Variants in KIF27 observed in about 807,000 individuals in gnomAD.
KIF27 encodes kinesin family member 27, also known as kinesin-like protein KIF27.
In KIF27, 84 loss-of-function variants were observed where a neutral mutation model predicts 141.8. The ratio of observed to expected loss-of-function variants is 0.59; its 90% confidence interval spans 0.50 to 0.71. The LOEUF (loss-of-function observed/expected upper bound fraction) is 0.71, where lower values mean the gene tolerates loss of function less well. Ranked by LOEUF, KIF27 falls within the 30% of genes least tolerant of loss-of-function variation. KIF27 has a pLI of 0.00. For missense variants in KIF27, 1,306 were observed against 1,628.4 expected, an observed-to-expected ratio of 0.80 and a Z score of 3.41; for synonymous variants, 471 against 569.5, an observed-to-expected ratio of 0.83 and a Z score of 2.46.
chr9:83,897,719 C>T (rs1010558275), intron 5 of KIF27, among the ~76,000 whole-genome samples: 5 of 151,742 alleles, frequency 3.3e-5, no homozygotes, highest in African/African-American at 7.3e-5. Context: ...AGCGCTCACA[C>T]CCAGAATATA....
rs1315186909 is a variant in KIF27 at position 83,887,091 on chromosome 9, G to T, written c.2189C>A (p.Thr730Lys). ...ATCTTCCTTCATCTTGATGTTAATT[G>T]TAAGTTCTCTCATTTTTTGTTTAGC... ...TEAKQKMREL[T>K]INIKMKEDLI... The change falls in exon 9 of 18, where the codon ACA becomes AAA. Residue 730 changes from threonine (T) to lysine (K), a missense_variant. By Grantham distance (78) the Thr-to-Lys change is moderately conservative. Transcript: ENST00000297814. 11 of 1,600,072 alleles carry T rather than the reference G, an allele frequency of 6.9e-6. No homozygotes were observed. Among genetic ancestry groups the T allele is most frequent in the African/African-American group, 1.4e-5 (1 of 73,778 alleles).
chr9:83,865,121 T>A (rs536470783), intron 13 of KIF27, among the ~76,000 whole-genome samples: 1 of 152,284 alleles, frequency 6.6e-6, no homozygotes, highest in Non-Finnish European at 1.5e-5. Flanking sequence ...AGAAAATTTT[T>A]TATATGATGT....
At chr9:83,902,180 C>A (rs1428734563) in intron 4 of KIF27, among the ~76,000 whole-genome samples, 1 of 151,918 alleles carries the variant, frequency 6.6e-6, no homozygotes, top group Non-Finnish European at 1.5e-5. Flanking sequence ...ATATGTCTAG[C>A]TAGATAGAGA....
At chr9:83,914,224 A>C (rs934749964) in intron 2 of KIF27, among the ~76,000 whole-genome samples, 4 of 151,238 alleles carry the variant, frequency 2.6e-5, no homozygotes, top group African/African-American at 4.8e-5. Flanking sequence ...AAAAAAAAAA[A>C]CCCTACAATC....
At chr9:83,847,418 G>C (rs1293270355) in intron 16 of KIF27, 1 of 152,102 alleles carries the variant, frequency 6.6e-6, no homozygotes, top group Non-Finnish European at 1.5e-5. Flanking sequence ...ATAGCATTTG[G>C]GTTGGGGATT....
chr9:83,843,054 G>T (rs1267180734), intron 16 of KIF27, among the ~76,000 whole-genome samples: 1 of 151,420 alleles, frequency 6.6e-6, no homozygotes, highest in Non-Finnish European at 1.5e-5. Context: ...TCTGTTCATT[G>T]GCTGCTTTAG....
At position 83,851,457 on chromosome 9, in the gene KIF27, T is replaced by C. The variant is rs11140271; in HGVS notation, c.3358-1160A>G. On this transcript the variant is annotated intron_variant, in intron 15 of 17. Transcript: ENST00000297814. ...GCTTCCAACTCCTGAGATCAAGTGA[T>C]CCTCCCACCTCAGCCTCCCACATAG... Among the ~76,000 whole-genome samples, 1,204 of 152,166 alleles carry C rather than the reference T, an allele frequency of 7.9e-3. 29 individuals are homozygous for C. Among genetic ancestry groups the C allele is most frequent in the East Asian group, 0.036 (185 of 5,142 alleles).
chr9:83,848,653 T>C (rs1011624219), intron 16 of KIF27: 2 of 150,734 alleles, frequency 1.3e-5, no homozygotes, highest in Non-Finnish European at 3.0e-5. Context: ...TTAGAGATCC[T>C]TGATTAATAC....
At chr9:83,885,008 G>A (rs35010780) in intron 9 of KIF27, among the ~76,000 whole-genome samples, 13,837 of 152,186 alleles carry the variant, frequency 0.091, 867 homozygotes, top group Non-Finnish European at 0.14. Context: ...ATAGGCAACC[G>A]TCCCTGAACT....
At chr9:83,908,808 G>A (rs1174884757) in intron 2 of KIF27, among the ~76,000 whole-genome samples, 156 bp from the exon 3 acceptor site, 1 of 150,842 alleles carries the variant, frequency 6.6e-6, no homozygotes, top group African/African-American at 2.4e-5. Context: ...TGCCCAGGCT[G>A]GAGTGCAGTG....
intron 2 of KIF27, among the ~76,000 whole-genome samples, chr9:83,912,103 A>C (rs1255041093): frequency 4.6e-5 from 7 of 152,206 alleles, no homozygotes. Context: ...AAAGTGTATG[A>C]GATAAATTTA....
At chr9:83,860,409 A>C (rs909078424) in intron 13 of KIF27, among the ~76,000 whole-genome samples, 5 of 152,180 alleles carry the variant, frequency 3.3e-5, no homozygotes, top group African/African-American at 1.2e-4. Context: ...ATGGGAGATA[A>C]GGATTTAGCA....
In KIF27 at chr9:83,837,087, G is replaced by A. The variant is rs369241220; in HGVS notation, c.4120C>T (p.Arg1374Ter). The part of the protein sequence containing the change: ...RQISALELSL[R>*]RSSLGVGIGS... The stretch of plus-strand genomic sequence containing the variant: ...ATGCCAACTCCAAGACTGGAACGTC[G>A]CAATGATAGTTCCAAGGCGGAAATT... The change falls in exon 18 of 18, where the codon CGA (arginine) becomes TGA (stop). Residue 1374 changes from arginine to a stop codon, truncating the protein, a stop_gained. Transcript: ENST00000297814. LOFTEE classifies it high-confidence loss of function. 30 of 1,613,934 alleles carry A rather than the reference G, an allele frequency of 1.9e-5. No homozygotes were observed. The highest frequency in any genetic ancestry group is 1.7e-4 in the Middle Eastern group (1 of 6,056).
chr9:83,908,045 C>T (rs1452109734), intron 3 of KIF27, among the ~76,000 whole-genome samples: 5 of 152,044 alleles, frequency 3.3e-5, no homozygotes, highest in Non-Finnish European at 5.9e-5. Flanking sequence ...AGGCGGATCA[C>T]GAGGTCAGGA....
chr9:83,911,728 G>T (rs1955189023), intron 2 of KIF27, among the ~76,000 whole-genome samples: 4 of 152,142 alleles, frequency 2.6e-5, no homozygotes, highest in Admixed American at 2.6e-4. Context: ...ATTTATAGTA[G>T]AGATGGGGTT....
At chr9:83,870,256 T>TC in intron 12 of KIF27, among the ~76,000 whole-genome samples, 1 of 152,036 alleles carries the variant, frequency 6.6e-6, no homozygotes, top group East Asian at 1.9e-4. Context: ...AGCCTCCACC[T>TC]CCAGGGTTCA....
chr9:83,841,848 C>T (rs921620383), intron 17 of KIF27, among the ~76,000 whole-genome samples: 4 of 151,988 alleles, frequency 2.6e-5, no homozygotes. Context: ...TATAAAAATA[C>T]CTGATTTATC....
intron 5 of KIF27, among the ~76,000 whole-genome samples, chr9:83,897,437 T>G (rs1186540021): frequency 6.6e-6 from 1 of 152,290 alleles, no homozygotes; most frequent in East Asian, 1.9e-4. Context: ...AATTTGATCT[T>G]TACTTTACTC....
chr9:83,901,560 A>T (rs1953889097), intron 4 of KIF27, among the ~76,000 whole-genome samples: 1 of 152,182 alleles, frequency 6.6e-6, no homozygotes, highest in Non-Finnish European at 1.5e-5. Flanking sequence ...AATGTAAAGG[A>T]ATTCTACTCT....
Sources: gnomAD v4.1 joint callset for allele counts (sites outside exome capture counted in the v4.1 genomes callset) on GRCh38, gnomAD v4.1.1 for gene constraint, MANE v1.5 for transcripts, NCBI Gene and HGNC (gene_info 2026-07-23, HGNC 2026-07-21) for gene names.